The following DNAH3 variants were observed in gnomAD, a reference collection of about 807,000 sequenced individuals.
The protein encoded by DNAH3 is axonemal beta dynein heavy chain 3.
DNAH3 carries 332 observed loss-of-function variants against 432.5 expected under a neutral mutation model. That is an observed-to-expected ratio of 0.77 (90% confidence interval 0.70 to 0.84). DNAH3 has a LOEUF of 0.84. Among genes scored for constraint, DNAH3 ranks in the 40% least tolerant of loss-of-function variants. The probability of loss-of-function intolerance (pLI) is 0.00; values close to 1 mark genes in which losing one functional copy is unlikely to be tolerated. For synonymous variants in DNAH3, 1,956 were observed against 1,900.2 expected, an observed-to-expected ratio of 1.03 and a Z score of -0.76; for missense variants, 4,861 against 5,114.0, an observed-to-expected ratio of 0.95 and a Z score of 1.51.
At chr16:21,121,796 G>T (rs2092348342) in intron 10 of DNAH3, 149 bp downstream of exon 11, 1 of 533,944 alleles carries the variant, frequency 1.9e-6, no homozygotes, top group East Asian at 3.1e-5. Flanking sequence ...CATTTGTCTG[G>T]GGTCAAGGGG....
intron 44 of DNAH3, among the ~76,000 whole-genome samples, chr16:20,990,345 AG>A (rs2086494060): frequency 6.6e-6 from 1 of 152,212 alleles, no homozygotes; most frequent in African/African-American, 2.4e-5. Flanking sequence ...TATAATTGTT[AG>A]ATATCTGTAT....
rs2090068246 is a variant in DNAH3, at chr16:21,054,545, C to T, written c.3925-11G>A. ...CTTTTTCAGAAAATCCTGGAAGGGGCAGAGGAGGGGACAACTGGTTACATT... is the reference window on the plus strand; with the variant it reads ...CTTTTTCAGAAAATCCTGGAAGGGGTAGAGGAGGGGACAACTGGTTACATT... On this transcript the variant is annotated splice_polypyrimidine_tract_variant and intron_variant, in intron 27 of 61. Coordinates refer to ENST00000261383, the Ensembl canonical transcript of DNAH3. The T allele has an allele frequency of 1.2e-6, 2 of 1,600,708 alleles. No homozygotes were observed. The highest frequency in any genetic ancestry group is 1.7e-6 in the Non-Finnish European group (2 of 1,168,314).
At chr16:21,085,444 T>G (rs2091332793) in intron 19 of DNAH3, among the ~76,000 whole-genome samples, 1 of 144,336 alleles carries the variant, frequency 6.9e-6, no homozygotes, top group Admixed American at 7.3e-5. Context: ...CTCAGGAGAC[T>G]GAGGCAGGAG....
intron 31 of DNAH3, among the ~76,000 whole-genome samples, chr16:21,049,329 G>A (rs994456967): frequency 2.6e-5 from 4 of 152,184 alleles, no homozygotes; most frequent in Admixed American, 6.5e-5. Flanking sequence ...TATAGTAGCT[G>A]CTCAGTAGCT....
chr16:21,039,852 C>A (rs931207457), exon 33 of DNAH3: 3 of 1,609,010 alleles, frequency 1.9e-6, no homozygotes, highest in Non-Finnish European at 2.6e-6. Context: ...TGTAACACAC[C>A]TTCTGGAGTC....
chr16:21,086,796 C>T, intron 19 of DNAH3, 53 bp downstream of exon 19: 1 of 1,525,218 alleles, frequency 6.6e-7, no homozygotes, highest in Non-Finnish European at 9.1e-7. Context: ...CAAGGACAGT[C>T]AGGGCCAGGC....
chr16:21,023,786 G>GGTGGGTGT (rs1555530934), intron 39 of DNAH3, among the ~76,000 whole-genome samples: 1 of 146,384 alleles, frequency 6.8e-6, no homozygotes, highest in Non-Finnish European at 1.5e-5. Flanking sequence ...CAGCTTTTGG[G>GGTGGGTGT]GTGTGTGTGT....
At chr16:21,110,179 G>A (rs2152803306) in intron 14 of DNAH3, among the ~76,000 whole-genome samples, 1 of 152,308 alleles carries the variant, frequency 6.6e-6, no homozygotes, top group East Asian at 1.9e-4. Flanking sequence ...TCTCAGCCAA[G>A]CATCCATTAC....
chr16:21,115,639 G>A (rs896234996), intron 12 of DNAH3, among the ~76,000 whole-genome samples: 2 of 151,756 alleles, frequency 1.3e-5, no homozygotes, highest in East Asian at 3.8e-4. Flanking sequence ...CCCAGGAGAT[G>A]GAGGTTGCAG....
chr16:20,958,988 G>A (rs1306431593), intron 54 of DNAH3, among the ~76,000 whole-genome samples, 191 bp downstream of exon 54: 1 of 152,070 alleles, frequency 6.6e-6, no homozygotes, highest in Non-Finnish European at 1.5e-5. Flanking sequence ...GGCTAGTTTC[G>A]AACTCCTGAC....
rs147804108 is a variant in DNAH3 at position 20,965,284 on chromosome 16, G to A, written c.8600C>T (p.Pro2867Leu). The A allele has an allele frequency of 2.1e-4, 342 of 1,613,566 alleles. 1 individual carries two copies. The African/African-American group carries it at 3.5e-3, about 16-fold the overall frequency. The change falls in exon 53 of 62, where the codon CCG becomes CTG. Residue 2867 changes from proline (P) to leucine (L), a missense_variant. Coordinates refer to ENST00000261383, the Ensembl canonical transcript of DNAH3. ...TTTAATGACAGCTGGCTGGAATTCC[G>A]GGTGATTGATAAACCTTTCCCGGAT... is the stretch of plus-strand genomic sequence containing the variant.
chr16:21,088,933 T>C (rs2091456255), intron 18 of DNAH3, among the ~76,000 whole-genome samples: 2 of 152,208 alleles, frequency 1.3e-5, no homozygotes, highest in African/African-American at 4.8e-5. Flanking sequence ...CGTCTGCCTA[T>C]TCTAACTCCC....
chr16:20,995,008 C>T (rs372918749), intron 44 of DNAH3, among the ~76,000 whole-genome samples: 3 of 152,088 alleles, frequency 2.0e-5, no homozygotes, highest in East Asian at 1.9e-4. Flanking sequence ...GATCTTGGCT[C>T]ACTGAAGCTT....
intron 18 of DNAH3, 137 bp downstream of exon 18, chr16:21,097,218 G>C (rs1463198259): frequency 3.0e-6 from 3 of 1,007,496 alleles, no homozygotes; most frequent in Non-Finnish European, 4.5e-6. Context: ...TTTTGACTGT[G>C]GCTGCCTTAA....
rs907760901 is a variant in DNAH3 at position 20,979,607 on chromosome 16, G to C, written c.7860-61C>G. On this transcript the variant is annotated intron_variant, in intron 49 of 61. Transcript: ENST00000261383. ...ACATCTTCCAGGGAGATCCAGTACA[G>C]CTTTAGTTATAGACATGAGGATATG... The C allele has an allele frequency of 6.8e-6, 10 of 1,467,864 alleles. No homozygotes were observed. The African/African-American group carries it at 6.9e-5, about 10-fold the overall frequency. The allele number at this position is 1,467,864 out of a possible 1,614,324, so 90.9% of individuals were successfully genotyped here.
intron 20 of DNAH3, among the ~76,000 whole-genome samples, chr16:21,079,389 C>T (rs959223844): frequency 2.0e-5 from 3 of 152,056 alleles, no homozygotes; most frequent in African/African-American, 7.2e-5. Context: ...TTTGGGAGGC[C>T]AAGGCAGATG....
Position 21,026,560 on chromosome 16 carries a change from G to C in DNAH3, c.5540+467C>G, listed in dbSNP as rs74556867. Among the ~76,000 whole-genome samples the C allele has an allele frequency of 1.8e-4, 28 of 152,026 alleles. 1 individual carries two copies. The East Asian group carries it at 4.5e-3, about 24-fold the overall frequency. On this transcript the variant is annotated intron_variant, in intron 38 of 61. Transcript: ENST00000261383. ...TACTAATAATACAAAAATTAGCCGA[G>C]GGTGGTGGCGTGTGCTTGTAGTCCC...
At chr16:21,126,344 G>A (rs1311466753) in intron 8 of DNAH3, among the ~76,000 whole-genome samples, 1 of 152,114 alleles carries the variant, frequency 6.6e-6, no homozygotes, top group Admixed American at 6.6e-5. Flanking sequence ...ACTACTACTG[G>A]TTGTAGTCAT....
At chr16:21,027,578 G>A (rs191543860) in intron 37 of DNAH3, among the ~76,000 whole-genome samples, 137 of 152,330 alleles carry the variant, frequency 9.0e-4, no homozygotes, top group African/African-American at 3.1e-3. Context: ...GGTGGCTCAC[G>A]CCTGTAATCC....
Sources: allele counts gnomAD v4.1 joint callset (sites outside exome capture counted in the v4.1 genomes callset), GRCh38; gene constraint gnomAD v4.1.1; transcripts MANE v1.5; gene names NCBI Gene and HGNC (gene_info 2026-07-23, HGNC 2026-07-21).